ZUP1: variants seen among roughly 807,000 people sequenced by gnomAD.
The protein encoded by ZUP1 is zinc finger containing ubiquitin peptidase 1.
ZUP1 carries 55 observed loss-of-function variants against 68.1 expected under a neutral mutation model. The observed-to-expected ratio is 0.81, with a 90% CI of 0.65 to 1.01. The LOEUF (loss-of-function observed/expected upper bound fraction) is 1.01. Ranked by LOEUF, ZUP1 falls within the 50% of genes least tolerant of loss-of-function variation. The probability of loss-of-function intolerance (pLI) is 0.00; values close to 1 mark genes in which losing one functional copy is unlikely to be tolerated. For synonymous variants in ZUP1, 223 were observed against 221.5 expected (o/e 1.01, Z -0.06); for missense variants, 684 against 674.9 (o/e 1.01, Z -0.15).
chr6:116,650,041 A>G (rs1268404832), intron 7 of ZUP1, among the ~76,000 whole-genome samples: 2 of 152,234 alleles, frequency 1.3e-5, no homozygotes, highest in East Asian at 1.9e-4. Context: ...AAAAATTTCA[A>G]TACAGTAATT....
intron 9 of ZUP1, among the ~76,000 whole-genome samples, chr6:116,640,216 T>G (rs1458193496): frequency 1.2e-4 from 19 of 152,160 alleles, no homozygotes; most frequent in Non-Finnish European, 1.9e-4. Context: ...GTCTGATTGG[T>G]GTACCTGAAA....
rs151173696 is a variant in ZUP1 at position 116,637,988 on chromosome 6, G to A, written c.1690-2109C>T. Among the ~76,000 whole-genome samples the A allele has an allele frequency of 4.2e-3, 637 of 151,868 alleles. 4 individuals are homozygous for A. Among genetic ancestry groups the A allele is most frequent in the African/African-American group, 0.015 (617 of 41,390 alleles). On this transcript the variant is annotated intron_variant, in intron 9 of 9. Transcript: ENST00000368576. ...GAGGCAGGAGAATCACTTGAACTGG[G>A]GAGGGAGGCAGAGGTTGCAGTGGGC...
intron 2 of ZUP1, among the ~76,000 whole-genome samples, chr6:116,664,720 C>T (rs530554166): frequency 6.6e-6 from 1 of 152,112 alleles, no homozygotes; most frequent in South Asian, 2.1e-4. Flanking sequence ...TAGATAAATA[C>T]AGCAGAAGTA....
chr6:116,639,874 A>G (rs997146706), intron 9 of ZUP1, among the ~76,000 whole-genome samples: 20 of 152,364 alleles, frequency 1.3e-4, no homozygotes, highest in African/African-American at 3.8e-4. Context: ...AAGGCTTCAG[A>G]CGATCAAACT....
chr6:116,663,820 G>C (rs1168390886), intron 2 of ZUP1, among the ~76,000 whole-genome samples: 1 of 151,772 alleles, frequency 6.6e-6, no homozygotes, highest in African/African-American at 2.4e-5. Context: ...GGTGGTGCAG[G>C]CCTGTAGTCC....
In ZUP1 at chr6:116,661,077, T is replaced by G. The variant is rs139365995; in HGVS notation, c.560-231A>C. 5.6e-3 allele frequency among the ~76,000 whole-genome samples: 850 copies of G among 151,888 alleles called. 6 individuals carry two copies. Among genetic ancestry groups the G allele is most frequent in the Middle Eastern group, 0.024 (7 of 294 alleles). ...TTTTTTTAGAGATGAGATCTCACTA[T>G]GTCGTCCAGGCTGGTCTCAAACTCC... On this transcript the variant is annotated intron_variant, in intron 2 of 9. Transcript: ENST00000368576.
In ZUP1 at chr6:116,645,753, T is replaced by C. The variant is rs753500850; in HGVS notation, c.1650A>G (p.Ile550Met). The change falls in exon 9 of 10, where the codon ATA (isoleucine) becomes ATG (methionine). Residue 550 changes from isoleucine to methionine, a missense_variant. Ile to Met is a conservative substitution (Grantham distance 10). Transcript: ENST00000368576. The stretch of plus-strand genomic sequence containing the variant: ...GAGAAAGAGCACCCTCTACTGCCAA[T>C]ATCTGGTATTGCTTATGTTTTAAAT... ...MGNLKHKQYQ[I>M]LAVEGALSLE... 4.3e-6 allele frequency: 7 copies of C among 1,613,718 alleles called. No homozygotes were observed. Among genetic ancestry groups the C allele is most frequent in the Non-Finnish European group, 3.4e-6 (4 of 1,179,914 alleles).
At chr6:116,656,185 T>G (rs1266352124) in intron 5 of ZUP1, among the ~76,000 whole-genome samples, 3 of 152,124 alleles carry the variant, frequency 2.0e-5, no homozygotes, top group Admixed American at 1.3e-4. Context: ...GTTCAAGCGA[T>G]TCTCCTGCCT....
intron 5 of ZUP1, among the ~76,000 whole-genome samples, chr6:116,655,859 AAT>A (rs1455863917): frequency 5.3e-5 from 8 of 152,218 alleles, no homozygotes; most frequent in Admixed American, 5.2e-4. Context: ...TAAAATAGCC[AAT>A]AGCCATTTGT....
chr6:116,656,223 G>T (rs1776658409), intron 5 of ZUP1, among the ~76,000 whole-genome samples: 1 of 152,102 alleles, frequency 6.6e-6, no homozygotes, highest in East Asian at 1.9e-4. Flanking sequence ...GGGATTACAG[G>T]CATGTGCCAC....
chr6:116,662,387 A>AT (rs140052713), intron 2 of ZUP1, among the ~76,000 whole-genome samples: 5,088 of 152,136 alleles, frequency 0.033, 249 homozygotes, highest in African/African-American at 0.11. Context: ...CCCAGTATAC[A>AT]TTTTTTACCA....
intron 9 of ZUP1, among the ~76,000 whole-genome samples, chr6:116,639,898 G>C (rs1776036482): frequency 1.3e-5 from 2 of 152,176 alleles, no homozygotes; most frequent in Non-Finnish European, 1.5e-5. Context: ...CCGAGCTACA[G>C]GATGAAATTC....
chr6:116,641,504 G>T (rs1776098452), intron 9 of ZUP1, among the ~76,000 whole-genome samples: 1 of 151,948 alleles, frequency 6.6e-6, no homozygotes, highest in African/African-American at 2.4e-5. Flanking sequence ...AGACCACAGT[G>T]CAAGCAAACT....
In ZUP1 at chr6:116,647,627, A is replaced by T; in HGVS notation, c.1317-17T>A. The T allele has an allele frequency of 6.7e-7, 1 of 1,493,220 alleles. No individual in the cohort carries two copies. 92.5% of individuals were successfully genotyped at this position (1,493,220 alleles called of 1,614,324 possible). A position where few individuals can be genotyped will look rare whatever the true frequency, so the allele number is the denominator to read the frequency against. On this transcript the variant is annotated splice_polypyrimidine_tract_variant and intron_variant, in intron 7 of 9. Transcript: ENST00000368576. ...ATATGACACCTATTAAAAATTGACA[A>T]AATGCACATTTAAAGGGCATTTTAA...
At position 116,666,679 on chromosome 6, in the gene ZUP1, G is replaced by A; in HGVS notation, c.514C>T (p.His172Tyr). 1 of 1,599,962 alleles carries A rather than the reference G, an allele frequency of 6.3e-7. No individual in the cohort carries two copies. Among genetic ancestry groups the A allele is most frequent in the Middle Eastern group, 1.7e-4 (1 of 6,012 alleles). ...AGATTGGCATGCTTTGTTTTCACAT[G>A]AGTTTCCATATCTTCACTGTGCTCC... ...IEEHSEDMETHVKTKHANLLD... is the reference protein window; with the variant it reads ...IEEHSEDMETYVKTKHANLLD... The change falls in exon 2 of 10, where the codon CAT (histidine) becomes TAT (tyrosine). Residue 172 changes from histidine (H) to tyrosine (Y), a missense_variant. His to Tyr is a moderately conservative substitution (Grantham distance 83, BLOSUM62 2). Coordinates refer to ENST00000368576, the MANE Select transcript of ZUP1 (RefSeq NM_145062.3).
intron 8 of ZUP1, among the ~76,000 whole-genome samples, chr6:116,647,242 C>T (rs1776337616): frequency 6.6e-6 from 1 of 152,016 alleles, no homozygotes; most frequent in Non-Finnish European, 1.5e-5. Flanking sequence ...GCCTGTAATC[C>T]CAGCTACTCA....
At chr6:116,641,176 C>A (rs964597124) in intron 9 of ZUP1, among the ~76,000 whole-genome samples, 5 of 148,950 alleles carry the variant, frequency 3.4e-5, no homozygotes, top group African/African-American at 7.4e-5. Context: ...CAGGAGCACC[C>A]AGATTCATAA....
At chr6:116,658,434 G>A (rs900014914) in intron 4 of ZUP1, among the ~76,000 whole-genome samples, 3 of 152,146 alleles carry the variant, frequency 2.0e-5, no homozygotes, top group African/African-American at 7.2e-5. Flanking sequence ...TAAATTCTGA[G>A]TCTTGGTTTC....
rs1776819915 is a variant in ZUP1 at position 116,660,960 on chromosome 6, C to T, written c.560-114G>A. On this transcript the variant is annotated intron_variant, in intron 2 of 9. Coordinates refer to ENST00000368576, the MANE Select transcript of ZUP1 (RefSeq NM_145062.3). Reference sequence around the variant, plus strand: ...TGTTGCCCAGGCTGGCGTGCAGTGGCACCATCACGGCTCACTGCAGCAATC... The same window carrying T: ...TGTTGCCCAGGCTGGCGTGCAGTGGTACCATCACGGCTCACTGCAGCAATC... 4.3e-5 allele frequency: 26 copies of T among 600,184 alleles called. No homozygotes were observed. The South Asian group carries it at 5.1e-4, about 12-fold the overall frequency. The allele number at this position is 600,184 out of a possible 1,614,324, so 37.2% of individuals were successfully genotyped here. A position where few individuals can be genotyped will look rare whatever the true frequency, so the allele number is the denominator to read the frequency against.
Sources: gnomAD v4.1 joint callset for allele counts (sites outside exome capture counted in the v4.1 genomes callset) on GRCh38, gnomAD v4.1.1 for gene constraint, MANE v1.5 for transcripts, NCBI Gene and HGNC (gene_info 2026-07-23, HGNC 2026-07-21) for gene names.